Variants in PDZRN4 observed in about 807,000 individuals in gnomAD.
PDZRN4 encodes the protein PDZ domain containing ring finger 4, also known as PDZ domain-containing RING finger protein 4.
Under a neutral mutation model 99.0 loss-of-function variants are expected in PDZRN4, and 70 were observed. The observed-to-expected ratio is 0.71, with a 90% CI of 0.58 to 0.86. PDZRN4 has a LOEUF of 0.86. Ranked by LOEUF, PDZRN4 falls within the 40% of genes least tolerant of loss-of-function variation. The pLI, the probability that PDZRN4 is intolerant of heterozygous loss-of-function variation, is 0.00. For missense variants in PDZRN4, 1,474 were observed against 1,331.2 expected (o/e 1.11, Z -1.67); for synonymous variants, 551 against 501.6 (o/e 1.10, Z -1.32).
At chr12:41,437,038 T>TG (rs2120455639) in intron 3 of PDZRN4, among the ~76,000 whole-genome samples, 2 of 152,330 alleles carry the variant, frequency 1.3e-5, no homozygotes, top group East Asian at 3.9e-4. Flanking sequence ...ACTCAATAGA[T>TG]GGGCCTTCAT....
intron 3 of PDZRN4, among the ~76,000 whole-genome samples, chr12:41,496,148 T>C (rs1175025625): frequency 6.6e-6 from 1 of 152,114 alleles, no homozygotes; most frequent in Non-Finnish European, 1.5e-5. Context: ...TTCTTGGATG[T>C]GATTGAGATA....
At chr12:41,324,314 A>G (rs1951697249) in intron 3 of PDZRN4, among the ~76,000 whole-genome samples, 1 of 152,090 alleles carries the variant, frequency 6.6e-6, no homozygotes, top group Non-Finnish European at 1.5e-5. Flanking sequence ...GTGTTTGAAG[A>G]TTAGGCCATA....
chr12:41,522,083 T>C (rs1289336013), intron 5 of PDZRN4, among the ~76,000 whole-genome samples: 3 of 152,142 alleles, frequency 2.0e-5, no homozygotes, highest in Admixed American at 2.0e-4. Flanking sequence ...TACATGGCTA[T>C]CTGCCAAGTA....
At chr12:41,199,753 C>T (rs766623142) in intron 3 of PDZRN4, among the ~76,000 whole-genome samples, 1 of 152,118 alleles carries the variant, frequency 6.6e-6, no homozygotes, top group Non-Finnish European at 1.5e-5. Flanking sequence ...TAGGTGAAAT[C>T]ACTCAGACAC....
At chr12:41,250,066 A>C (rs1951158269) in intron 3 of PDZRN4, among the ~76,000 whole-genome samples, 1 of 152,112 alleles carries the variant, frequency 6.6e-6, no homozygotes, top group Non-Finnish European at 1.5e-5. Context: ...AACTATGGAG[A>C]AAATGGGTAT....
chr12:41,335,695 T>C (rs1297122582), intron 3 of PDZRN4, among the ~76,000 whole-genome samples: 2 of 152,070 alleles, frequency 1.3e-5, no homozygotes, highest in Non-Finnish European at 1.5e-5. Context: ...TTCTGCTCAG[T>C]AGTGGGAAAA....
intron 3 of PDZRN4, among the ~76,000 whole-genome samples, chr12:41,333,705 A>G (rs1459411020): frequency 2.0e-5 from 3 of 152,174 alleles, no homozygotes; most frequent in Admixed American, 1.3e-4. Flanking sequence ...ATTCCACCAG[A>G]AAATTTCCTC....
At chr12:41,544,920 C>T (rs1312121469) in intron 5 of PDZRN4, among the ~76,000 whole-genome samples, 1 of 152,082 alleles carries the variant, frequency 6.6e-6, no homozygotes, top group Non-Finnish European at 1.5e-5. Flanking sequence ...TGACTTTGGG[C>T]CCAAGTTCTC....
intron 3 of PDZRN4, among the ~76,000 whole-genome samples, chr12:41,418,687 C>G (rs1952464896): frequency 6.6e-6 from 1 of 152,110 alleles, no homozygotes; most frequent in Non-Finnish European, 1.5e-5. Flanking sequence ...TTATGTAAAA[C>G]AAAGCAATTT....
At chr12:41,491,687 T>C (rs1592082644) in intron 3 of PDZRN4, among the ~76,000 whole-genome samples, 1 of 152,288 alleles carries the variant, frequency 6.6e-6, no homozygotes, top group Middle Eastern at 3.4e-3. Context: ...AAGACAAGAC[T>C]ATCTTCTGCA....
intron 3 of PDZRN4, among the ~76,000 whole-genome samples, chr12:41,253,534 G>A (rs974490185): frequency 6.6e-6 from 1 of 152,174 alleles, no homozygotes; most frequent in Admixed American, 6.5e-5. Flanking sequence ...CCCCATTACT[G>A]TTACTGGGAA....
At position 41,188,751 on chromosome 12, in the gene PDZRN4, C is replaced by T. The variant is rs768237204; in HGVS notation, c.296C>T (p.Ala99Val). The T allele has an allele frequency of 1.6e-5, 24 of 1,496,976 alleles. No homozygotes were observed. The highest frequency in any genetic ancestry group is 1.6e-4 in the African/African-American group (11 of 69,278). 92.7% of individuals were successfully genotyped at this position (1,496,976 alleles called of 1,614,324 possible). A position where few individuals can be genotyped will look rare whatever the true frequency, so the allele number is the denominator to read the frequency against. ...GHSVRLHELE[A>V]HVEHCDFGPA... The stretch of plus-strand genomic sequence containing the variant: ...TCGGTCAGGCTGCACGAGCTGGAGG[C>T]GCACGTCGAGCACTGCGACTTCGGC... The change falls in exon 1 of 10, where the codon GCG becomes GTG. Residue 99 changes from alanine to valine, a missense_variant. Coordinates refer to ENST00000402685, the MANE Select transcript of PDZRN4 (RefSeq NM_001164595.2).
chr12:41,396,938 A>C (rs1952250051), intron 3 of PDZRN4, among the ~76,000 whole-genome samples: 1 of 152,154 alleles, frequency 6.6e-6, no homozygotes, highest in African/African-American at 2.4e-5. Context: ...GTGAATTTTA[A>C]AGTCACTCTT....
Position 41,274,652 on chromosome 12 carries a change from G to A in PDZRN4, c.843+80464G>A, listed in dbSNP as rs375509389. Reference sequence around the variant, plus strand: ...TACTGAAATACCTGAATCCATGGTGGAGAGCAGATCTCCCAAGACAGCCTG... The same window carrying A: ...TACTGAAATACCTGAATCCATGGTGAAGAGCAGATCTCCCAAGACAGCCTG... On this transcript the variant is annotated intron_variant, in intron 3 of 9. Transcript: ENST00000402685. 2.2e-4 allele frequency among the ~76,000 whole-genome samples: 33 copies of A among 152,222 alleles called. No individual in the cohort carries two copies. The South Asian group carries it at 5.6e-3, about 26-fold the overall frequency.
chr12:41,360,209 A>T (rs1010305385), intron 3 of PDZRN4, among the ~76,000 whole-genome samples: 3 of 152,048 alleles, frequency 2.0e-5, no homozygotes, highest in African/African-American at 7.2e-5. Context: ...TAGAGCTATT[A>T]TGTTCATAGA....
intron 5 of PDZRN4, among the ~76,000 whole-genome samples, chr12:41,519,559 A>G (rs1938457260): frequency 6.6e-6 from 1 of 151,600 alleles, no homozygotes; most frequent in African/African-American, 2.4e-5. Context: ...CTTTCTTACT[A>G]TGAATGATCG....
intron 5 of PDZRN4, among the ~76,000 whole-genome samples, chr12:41,524,532 G>C (rs1160463899): frequency 6.6e-6 from 1 of 152,070 alleles, no homozygotes; most frequent in Non-Finnish European, 1.5e-5. Flanking sequence ...AGAGTTCAGA[G>C]TCCCTTAGGA....
chr12:41,378,135 G>A (rs886528456), intron 3 of PDZRN4, among the ~76,000 whole-genome samples: 1 of 151,572 alleles, frequency 6.6e-6, no homozygotes, highest in South Asian at 2.1e-4. Flanking sequence ...CCATTATTAT[G>A]TTGATGTACA....
intron 5 of PDZRN4, among the ~76,000 whole-genome samples, chr12:41,522,081 T>C (rs190889880): frequency 6.6e-6 from 1 of 152,260 alleles, no homozygotes; most frequent in African/African-American, 2.4e-5. Context: ...TGTACATGGC[T>C]ATCTGCCAAG....
Sources: allele counts gnomAD v4.1 joint callset (sites outside exome capture counted in the v4.1 genomes callset), GRCh38; gene constraint gnomAD v4.1.1; transcripts MANE v1.5; gene names NCBI Gene and HGNC (gene_info 2026-07-23, HGNC 2026-07-21).